The following SPTBN1 variants were observed in gnomAD, a reference collection of about 807,000 sequenced individuals.
The protein encoded by SPTBN1 is spectrin beta, non-erythrocytic 1.
A neutral mutation model predicts 266.4 loss-of-function variants in SPTBN1; 32 were observed. The ratio of observed to expected loss-of-function variants is 0.12; its 90% CI spans 0.09 to 0.16. The LOEUF is 0.16. SPTBN1 is among the 10% of genes least tolerant of loss of function. The pLI, the probability that SPTBN1 is intolerant of heterozygous loss-of-function variation, is 1.00. For synonymous variants in SPTBN1, 1,336 were observed against 1,162.2 expected (o/e 1.15, Z -3.04); for missense variants, 2,296 against 3,067.1 (o/e 0.75, Z 5.94).
At chr2:54,518,471 A>T (rs1388359372) in intron 1 of SPTBN1, among the ~76,000 whole-genome samples, 1 of 150,110 alleles carries the variant, frequency 6.7e-6, no homozygotes, top group African/African-American at 2.4e-5. Flanking sequence ...AAAAAAAAAG[A>T]AACAGTGGTT....
chr2:54,652,582 A>G (rs1205516004), intron 26 of SPTBN1: 1 of 152,230 alleles, frequency 6.6e-6, no homozygotes. Flanking sequence ...GCAAGAATGT[A>G]TATGTAGGAT....
At chr2:54,490,576 C>G (rs17045917) in intron 1 of SPTBN1, among the ~76,000 whole-genome samples, 36,739 of 152,094 alleles carry the variant, frequency 0.24, 5,047 homozygotes, top group East Asian at 0.37. Flanking sequence ...AATTGGCTAT[C>G]TTATTAATCT....
rs1478323288 is a variant in SPTBN1 at position 54,646,092 on chromosome 2, G to C, written c.4584+75G>C. On this transcript the variant is annotated intron_variant, in intron 22 of 35. Transcript: ENST00000356805. This position sits in a 1 kb window ranked among gnomAD's most constrained non-coding sequence, Gnocchi z 4.4. ...ATTATGAGACTGGGAATGGCAGAGA[G>C]CTTTGAAGCCTTGCTATTTCTTTCT... 9 of 1,607,384 alleles carry C rather than the reference G, an allele frequency of 5.6e-6. No homozygotes were observed. Among genetic ancestry groups the C allele is most frequent in the Admixed American group, 3.4e-5 (2 of 59,334 alleles).
In SPTBN1 at chr2:54,646,980, C is replaced by A; in HGVS notation, c.4867-151C>A. The A allele has an allele frequency of 9.0e-7, 1 of 1,105,614 alleles. No individual in the cohort carries two copies. The highest frequency in any genetic ancestry group is 1.3e-6 in the Non-Finnish European group (1 of 790,568). 68.5% of individuals were successfully genotyped at this position (1,105,614 alleles called of 1,614,324 possible). A position where few individuals can be genotyped will look rare whatever the true frequency, so the allele number is the denominator to read the frequency against. On this transcript the variant is annotated intron_variant, in intron 23 of 35. Transcript: ENST00000356805. This position sits in a 1 kb window ranked among gnomAD's most constrained non-coding sequence, Gnocchi z 4.4. ...CCAGTCCATATGGAAGCTCTTGGAA[C>A]ACTTCTGTGTTCCACTGTCCGTACT...
chr2:54,667,134 G>C (rs991126064), intron 34 of SPTBN1, among the ~76,000 whole-genome samples: 1 of 152,190 alleles, frequency 6.6e-6, no homozygotes, highest in East Asian at 1.9e-4. Context: ...TCTTAATTCT[G>C]AGACATACAG....
chr2:54,530,467 T>A (rs12463484), intron 2 of SPTBN1, among the ~76,000 whole-genome samples: 45,392 of 140,482 alleles, frequency 0.32, 8,297 homozygotes, highest in East Asian at 0.47. Context: ...CATGCCATTC[T>A]GCTGCCTCAG....
intron 18 of SPTBN1, among the ~76,000 whole-genome samples, chr2:54,641,487 C>G (rs1305379507): frequency 6.6e-6 from 1 of 152,208 alleles, no homozygotes; most frequent in Non-Finnish European, 1.5e-5. Flanking sequence ...CATAGTCTTT[C>G]AGATTTTAGC....
chr2:54,467,892 A>G (rs1251543686), intron 1 of SPTBN1, among the ~76,000 whole-genome samples: 1 of 152,174 alleles, frequency 6.6e-6, no homozygotes, highest in Non-Finnish European at 1.5e-5. Flanking sequence ...AAGTATTTTT[A>G]AGATATCTTT....
Position 54,503,186 on chromosome 2 carries a change from G to A in SPTBN1, c.-47-23186G>A, listed in dbSNP as rs13430673. On this transcript the variant is annotated intron_variant, in intron 1 of 35. Coordinates refer to ENST00000356805, the MANE Select transcript of SPTBN1 (RefSeq NM_003128.3). ...ACCTGCCCCACGACACTGGTCACTGGTGTCTCCATGCTGATATATTATGCT... is the reference window on the plus strand; with the variant it reads ...ACCTGCCCCACGACACTGGTCACTGATGTCTCCATGCTGATATATTATGCT... Among the ~76,000 whole-genome samples, 568 of 152,306 alleles carry A rather than the reference G, an allele frequency of 3.7e-3. 5 individuals are homozygous for A. Among genetic ancestry groups the A allele is most frequent in the African/African-American group, 0.013 (521 of 41,570 alleles).
At chr2:54,486,469 A>G (rs1185127799) in intron 1 of SPTBN1, among the ~76,000 whole-genome samples, 1 of 152,190 alleles carries the variant, frequency 6.6e-6, no homozygotes, top group Non-Finnish European at 1.5e-5. Flanking sequence ...CTCAGGGGTC[A>G]ATGGATTAAG....
intron 3 of SPTBN1, among the ~76,000 whole-genome samples, chr2:54,607,346 G>A (rs965769041): frequency 2.6e-5 from 4 of 152,152 alleles, no homozygotes; most frequent in South Asian, 2.1e-4. Context: ...ATGGGAGGCC[G>A]GGGGGCTGGC....
intron 2 of SPTBN1, among the ~76,000 whole-genome samples, chr2:54,530,539 C>T (rs1273335897): frequency 1.3e-5 from 2 of 151,206 alleles, no homozygotes; most frequent in African/African-American, 2.4e-5. Flanking sequence ...TTGTATTTTT[C>T]GTAGAGACGG....
chr2:54,460,068 G>A (rs1236801699), intron 1 of SPTBN1, among the ~76,000 whole-genome samples: 1 of 152,172 alleles, frequency 6.6e-6, no homozygotes, highest in African/African-American at 2.4e-5. Context: ...ATCATAGTGA[G>A]GTTCACGGAC....
At chr2:54,659,017 T>C (rs1680861072) in intron 30 of SPTBN1, 137 bp from the exon 31 acceptor site, 2 of 815,866 alleles carry the variant, frequency 2.5e-6, no homozygotes, top group Admixed American at 2.2e-5. Context: ...TCCATTTGGC[T>C]CAGGATGTTA....
Position 54,623,645 on chromosome 2 carries a change from A to G in SPTBN1, c.1182+49A>G, listed in dbSNP as rs1176234953. The G allele has an allele frequency of 3.4e-6, 5 of 1,456,982 alleles. No individual in the cohort carries two copies. The African/African-American group carries it at 5.7e-5, about 17-fold the overall frequency. The allele number at this position is 1,456,982 out of a possible 1,614,324, so 90.3% of individuals were successfully genotyped here. A position where few individuals can be genotyped will look rare whatever the true frequency, so the allele number is the denominator to read the frequency against. On this transcript the variant is annotated intron_variant, in intron 10 of 35. Coordinates refer to ENST00000356805, the MANE Select transcript of SPTBN1 (RefSeq NM_003128.3). ...TGGGCCCTGACCTCCTGGAGGCTTCAGGTTCTATCACTAGGTCTCGACTGC... is the reference window on the plus strand; with the variant it reads ...TGGGCCCTGACCTCCTGGAGGCTTCGGGTTCTATCACTAGGTCTCGACTGC...
intron 2 of SPTBN1, among the ~76,000 whole-genome samples, chr2:54,557,088 G>A (rs567418662): frequency 6.6e-6 from 1 of 152,330 alleles, no homozygotes; most frequent in Admixed American, 6.5e-5. Flanking sequence ...GCTTTCAAAA[G>A]CCAAAGGTTG....
Position 54,653,765 on chromosome 2 carries a change from G to T in SPTBN1, c.5734G>T (p.Asp1912Tyr). 1.2e-6 allele frequency: 2 copies of T among 1,614,236 alleles called. No homozygotes were observed. The highest frequency in any genetic ancestry group is 1.7e-6 in the Non-Finnish European group (2 of 1,180,042). Residue 1912 changes from aspartate (D) to tyrosine (Y), a missense_variant, in exon 27 of 36, where the codon GAC becomes TAC. Transcript: ENST00000356805. The surrounding 1 kb of genome is among the most constrained non-coding windows in gnomAD (Gnocchi z 5.1). ...SRRVRLVDTG[D>Y]KFRFFSMVRD... ...CAGGGTGCGGCTGGTGGACACAGGG[G>T]ACAAGTTCCGCTTCTTCAGCATGGT...
At chr2:54,577,029 G>A (rs1159964887) in intron 2 of SPTBN1, among the ~76,000 whole-genome samples, 1 of 152,186 alleles carries the variant, frequency 6.6e-6, no homozygotes, top group Non-Finnish European at 1.5e-5. Context: ...GGAATGGCTA[G>A]AATTCTACTT....
At chr2:54,593,929 G>A (rs563160400) in intron 2 of SPTBN1, among the ~76,000 whole-genome samples, 3 of 141,752 alleles carry the variant, frequency 2.1e-5, no homozygotes, top group Non-Finnish European at 4.5e-5. Context: ...CGCCTCCCAG[G>A]TTCAAGTAGT....
Sources: allele counts gnomAD v4.1 joint callset (sites outside exome capture counted in the v4.1 genomes callset), GRCh38; gene constraint gnomAD v4.1.1; non-coding constraint Gnocchi (gnomAD v3.1); transcripts MANE v1.5; gene names NCBI Gene and HGNC (gene_info 2026-07-23, HGNC 2026-07-21).